LDLRAD3: variants seen among roughly 807,000 people sequenced by gnomAD.
LDLRAD3 encodes low-density lipoprotein receptor class A domain-containing protein 3.
A neutral mutation model predicts 29.4 loss-of-function variants in LDLRAD3; 20 were observed. The observed-to-expected ratio is 0.68, with a 90% CI of 0.48 to 0.99. LDLRAD3 has a LOEUF of 0.99. Ranked by LOEUF, LDLRAD3 falls within the 50% of genes least tolerant of loss-of-function variation. The pLI, the probability that LDLRAD3 is intolerant of heterozygous loss-of-function variation, is 0.00. For missense variants in LDLRAD3, 420 were observed against 454.3 expected (o/e 0.92, Z 0.69); for synonymous variants, 157 against 192.7 (o/e 0.81, Z 1.53).
intron 4 of LDLRAD3, among the ~76,000 whole-genome samples, chr11:36,124,690 C>CT (rs771578777): frequency 2.8e-3 from 399 of 142,954 alleles, no homozygotes; most frequent in African/African-American, 2.7e-3. Flanking sequence ...CTTTTCCTTT[C>CT]TTTTTTTTTT....
At chr11:36,199,732 G>A (rs1033344516) in intron 4 of LDLRAD3, among the ~76,000 whole-genome samples, 2 of 152,334 alleles carry the variant, frequency 1.3e-5, no homozygotes, top group Admixed American at 6.5e-5. Context: ...TCCCTCTTGA[G>A]TTGATTTTTC....
At chr11:36,180,612 G>A (rs181044611) in intron 4 of LDLRAD3, among the ~76,000 whole-genome samples, 4 of 152,264 alleles carry the variant, frequency 2.6e-5, no homozygotes, top group African/African-American at 9.6e-5. Flanking sequence ...CGGAGCGCAT[G>A]GACAGTTTTG....
intron 4 of LDLRAD3, among the ~76,000 whole-genome samples, chr11:36,120,686 G>A (rs1853743332): frequency 6.6e-6 from 1 of 152,084 alleles, no homozygotes. Context: ...ACCTCCAGAT[G>A]CCAGTCTACA....
chr11:36,149,294 A>C (rs932124691), intron 4 of LDLRAD3, among the ~76,000 whole-genome samples: 6 of 152,254 alleles, frequency 3.9e-5, no homozygotes, highest in Non-Finnish European at 5.9e-5. Context: ...AGGTAAAATG[A>C]AATCTGTCAG....
chr11:36,035,715 C>T (rs909127968), intron 1 of LDLRAD3, among the ~76,000 whole-genome samples: 1 of 152,164 alleles, frequency 6.6e-6, no homozygotes, highest in Non-Finnish European at 1.5e-5. Flanking sequence ...AAAGATCTTG[C>T]AGTTCCTAAT....
At chr11:36,008,517 A>G (rs540279592) in intron 1 of LDLRAD3, among the ~76,000 whole-genome samples, 1 of 152,266 alleles carries the variant, frequency 6.6e-6, no homozygotes, top group East Asian at 1.9e-4. Context: ...AAATGCTCCT[A>G]TTGCAAGATT....
chr11:36,154,008 G>C (rs1854311399), intron 4 of LDLRAD3, among the ~76,000 whole-genome samples: 1 of 152,080 alleles, frequency 6.6e-6, no homozygotes, highest in South Asian at 2.1e-4. Flanking sequence ...AGTTGGAGAG[G>C]CACCTTCATC....
intron 4 of LDLRAD3, among the ~76,000 whole-genome samples, chr11:36,188,818 A>T (rs1403099683): frequency 6.6e-6 from 1 of 152,176 alleles, no homozygotes; most frequent in African/African-American, 2.4e-5. Context: ...CTTTTCCTCA[A>T]GTCAGGTCCC....
intron 4 of LDLRAD3, among the ~76,000 whole-genome samples, chr11:36,128,763 C>T (rs1020278141): frequency 2.0e-5 from 3 of 151,528 alleles, no homozygotes; most frequent in Admixed American, 6.6e-5. Context: ...TCAGGAGAAT[C>T]GCTTGAACCC....
At chr11:36,200,968 C>T (rs777231654) in intron 4 of LDLRAD3, among the ~76,000 whole-genome samples, 1 of 152,134 alleles carries the variant, frequency 6.6e-6, no homozygotes, top group Non-Finnish European at 1.5e-5. Context: ...GGGAGTAACT[C>T]AAATAAAAGA....
At chr11:36,212,486 A>G (rs184882519) in intron 4 of LDLRAD3, among the ~76,000 whole-genome samples, 5 of 152,068 alleles carry the variant, frequency 3.3e-5, no homozygotes, top group African/African-American at 9.6e-5. Flanking sequence ...TTTAGTGGCA[A>G]TCTGAATTCC....
At chr11:35,999,432 A>G (rs1285700990) in intron 1 of LDLRAD3, among the ~76,000 whole-genome samples, 1 of 152,148 alleles carries the variant, frequency 6.6e-6, no homozygotes, top group Non-Finnish European at 1.5e-5. Context: ...GGACTGCTCC[A>G]GGGGCCTGGC....
At chr11:36,164,194 C>T (rs1249881966) in intron 4 of LDLRAD3, among the ~76,000 whole-genome samples, 1 of 152,194 alleles carries the variant, frequency 6.6e-6, no homozygotes, top group African/African-American at 2.4e-5. Context: ...TACAAGCTTC[C>T]ATGGTGATGA....
chr11:36,041,858 G>A (rs143716284), intron 2 of LDLRAD3, among the ~76,000 whole-genome samples: 2,948 of 140,890 alleles, frequency 0.021, 48 homozygotes, highest in Non-Finnish European at 0.027. Context: ...GGCCCTTTAT[G>A]TTTGGTGGGT....
rs928171181 is a variant in LDLRAD3, at chr11:36,148,534, T to A, written c.454+50073T>A. On this transcript the variant is annotated intron_variant, in intron 4 of 5. Transcript: ENST00000315571. Reference sequence around the variant, plus strand: ...TGACAGTTATATTTACCAGTAGAACTAGAAGGGAATGCTTCAGTCTATCCT... The same window carrying A: ...TGACAGTTATATTTACCAGTAGAACAAGAAGGGAATGCTTCAGTCTATCCT... Among the ~76,000 whole-genome samples the A allele has an allele frequency of 3.3e-5, 5 of 152,166 alleles. No homozygotes were observed. The South Asian group carries it at 1.0e-3, about 32-fold the overall frequency.
At chr11:36,145,673 C>T (rs1006721332) in intron 4 of LDLRAD3, among the ~76,000 whole-genome samples, 8 of 151,728 alleles carry the variant, frequency 5.3e-5, no homozygotes, top group Admixed American at 1.3e-4. Context: ...AAAAATTCTT[C>T]TGCCTTGGGA....
intron 3 of LDLRAD3, among the ~76,000 whole-genome samples, chr11:36,090,751 A>G (rs751724078): frequency 4.6e-5 from 7 of 152,136 alleles, no homozygotes; most frequent in Non-Finnish European, 8.8e-5. Context: ...GCTTGCCCAG[A>G]GTGGCGGCCC....
chr11:36,116,986 C>T (rs1486524387), intron 4 of LDLRAD3, among the ~76,000 whole-genome samples: 2 of 151,880 alleles, frequency 1.3e-5, no homozygotes, highest in Non-Finnish European at 2.9e-5. Flanking sequence ...GGACTACAGG[C>T]GCGAGCTGCC....
At chr11:36,035,171 T>A (rs1852287340) in intron 1 of LDLRAD3, among the ~76,000 whole-genome samples, 1 of 75,940 alleles carries the variant, frequency 1.3e-5, no homozygotes, top group Admixed American at 1.8e-4. Flanking sequence ...GCTGAAGGAC[T>A]GGTCTTTTTT....
Sources: allele counts gnomAD v4.1 joint callset (sites outside exome capture counted in the v4.1 genomes callset), GRCh38; gene constraint gnomAD v4.1.1; transcripts MANE v1.5; gene names NCBI Gene and HGNC (gene_info 2026-07-23, HGNC 2026-07-21).